Variants in NTNG1 observed in about 807,000 individuals in gnomAD.
The protein encoded by NTNG1 is netrin G1.
Under a neutral mutation model 54.0 loss-of-function variants are expected in NTNG1, and 16 were observed. The ratio of observed to expected loss-of-function variants is 0.30; its 90% CI spans 0.20 to 0.45. The LOEUF is 0.45. NTNG1 is among the 20% of genes least tolerant of loss of function. NTNG1 has a pLI of 1.00. For synonymous variants in NTNG1, 255 were observed against 263.1 expected (o/e 0.97, Z 0.30); for missense variants, 530 against 678.7 (o/e 0.78, Z 2.43).
intron 3 of NTNG1, among the ~76,000 whole-genome samples, chr1:107,376,281 G>A (rs184212367): frequency 0.014 from 2,068 of 152,200 alleles, 30 homozygotes; most frequent in African/African-American, 0.038. Context: ...GGTGGCGGGC[G>A]CCTGTAGTCC....
chr1:107,205,737 A>AG (rs1427803183), intron 2 of NTNG1, among the ~76,000 whole-genome samples: 6 of 152,170 alleles, frequency 3.9e-5, no homozygotes, highest in Non-Finnish European at 4.4e-5. Flanking sequence ...ACTGGCACCC[A>AG]GGTAAAGAAT....
intron 2 of NTNG1, among the ~76,000 whole-genome samples, chr1:107,232,487 C>T (rs1470663239): frequency 6.6e-6 from 1 of 152,130 alleles, no homozygotes; most frequent in Non-Finnish European, 1.5e-5. Flanking sequence ...ATATTGCTAA[C>T]AATTTAAATA....
Position 107,361,756 on chromosome 1 carries a change from A to G in NTNG1, c.888-33398A>G, listed in dbSNP as rs1670314835. 2.0e-5 allele frequency among the ~76,000 whole-genome samples: 3 copies of G among 152,234 alleles called. No homozygotes were observed. The South Asian group carries it at 6.2e-4, about 32-fold the overall frequency. On this transcript the variant is annotated intron_variant, in intron 3 of 7. Transcript: ENST00000370068. ...CTGTTGAAAGCTGATGTCATTTTTG[A>G]CACTCGGGAAATGACTTCTTTATGG...
At position 107,465,855 on chromosome 1, in the gene NTNG1, G is replaced by C. The variant is rs149699743; in HGVS notation, c.1391-14756G>C. 3.0e-3 allele frequency among the ~76,000 whole-genome samples: 461 copies of C among 152,304 alleles called. 2 individuals are homozygous for C. The highest frequency in any genetic ancestry group is 0.011 in the African/African-American group (445 of 41,560). ...TAATAATAATAACAATAATACCTAT[G>C]TACCAGATTATTAGATATATTCAAT... On this transcript the variant is annotated intron_variant, in intron 7 of 7. Coordinates refer to ENST00000370068, the MANE Select transcript of NTNG1 (RefSeq NM_001113226.3).
intron 2 of NTNG1, among the ~76,000 whole-genome samples, chr1:107,304,593 T>C (rs74110603): frequency 0.016 from 2,469 of 152,322 alleles, 67 homozygotes; most frequent in African/African-American, 0.056. Context: ...CACACATAAA[T>C]GATCCTTGTT....
At chr1:107,187,398 C>T (rs905791098) in intron 2 of NTNG1, among the ~76,000 whole-genome samples, 2 of 152,142 alleles carry the variant, frequency 1.3e-5, no homozygotes, top group Non-Finnish European at 2.9e-5. Context: ...TTTCCATACT[C>T]TTACCACCAA....
chr1:107,267,861 G>A (rs538694331), intron 2 of NTNG1, among the ~76,000 whole-genome samples: 1 of 152,180 alleles, frequency 6.6e-6, no homozygotes, highest in Non-Finnish European at 1.5e-5. Context: ...AAAACAAAAA[G>A]CACTCTGCTA....
chr1:107,310,303 C>T (rs1261540302), intron 2 of NTNG1, among the ~76,000 whole-genome samples: 2 of 152,132 alleles, frequency 1.3e-5, no homozygotes, highest in East Asian at 3.8e-4. Flanking sequence ...CTCTATAATA[C>T]ATTTTCTTAG....
intron 2 of NTNG1, among the ~76,000 whole-genome samples, chr1:107,197,488 G>C (rs1658429675): frequency 2.0e-5 from 3 of 151,922 alleles, no homozygotes; most frequent in African/African-American, 7.2e-5. Flanking sequence ...TATAAGAATG[G>C]GTTGACAATA....
At chr1:107,264,071 CCTCT>C (rs796129089) in intron 2 of NTNG1, among the ~76,000 whole-genome samples, 49 of 151,872 alleles carry the variant, frequency 3.2e-4, no homozygotes, top group African/African-American at 1.1e-3. Flanking sequence ...AATCTATAGT[CCTCT>C]CTCTCTCTTG....
At chr1:107,442,882 G>T (rs1441771551) in intron 7 of NTNG1, among the ~76,000 whole-genome samples, 2 of 152,100 alleles carry the variant, frequency 1.3e-5, no homozygotes, top group Non-Finnish European at 2.9e-5. Flanking sequence ...GGTTCAGGAA[G>T]ATAGAACAGG....
chr1:107,382,188 G>T (rs1223792206), intron 3 of NTNG1, among the ~76,000 whole-genome samples: 1 of 152,104 alleles, frequency 6.6e-6, no homozygotes, highest in East Asian at 1.9e-4. Context: ...AAGGTATTGG[G>T]GTGTGCAAAA....
At chr1:107,279,221 TC>T (rs1193278920) in intron 2 of NTNG1, among the ~76,000 whole-genome samples, 1 of 152,190 alleles carries the variant, frequency 6.6e-6, no homozygotes, top group African/African-American at 2.4e-5. Context: ...ATTTTTTGGC[TC>T]ATATCTACCT....
chr1:107,466,038 G>C (rs773887934), intron 7 of NTNG1, among the ~76,000 whole-genome samples: 18 of 151,448 alleles, frequency 1.2e-4, no homozygotes, highest in Non-Finnish European at 2.2e-4. Flanking sequence ...AAAAGCACAT[G>C]ATGGGGAGAT....
intron 2 of NTNG1, among the ~76,000 whole-genome samples, chr1:107,195,000 G>T (rs1658216712): frequency 6.6e-6 from 1 of 151,682 alleles, no homozygotes; most frequent in South Asian, 2.1e-4. Context: ...TAGAAGCTGT[G>T]GTCTTCTTAC....
Position 107,390,025 on chromosome 1 carries a change from T to C in NTNG1, c.888-5129T>C, listed in dbSNP as rs72987510. ...AATCTCCCAGCATTGTGAAATGTTT[T>C]TGTTTTTTTGTTTTTTTTCTGGCAA... On this transcript the variant is annotated intron_variant, in intron 3 of 7. Coordinates refer to ENST00000370068, the MANE Select transcript of NTNG1 (RefSeq NM_001113226.3). Among the ~76,000 whole-genome samples, 803 of 152,280 alleles carry C rather than the reference T, an allele frequency of 5.3e-3. 4 individuals carry two copies. Among genetic ancestry groups the C allele is most frequent in the African/African-American group, 0.018 (760 of 41,552 alleles).
chr1:107,285,787 A>G (rs1230248059), intron 2 of NTNG1, among the ~76,000 whole-genome samples: 2 of 152,124 alleles, frequency 1.3e-5, no homozygotes, highest in African/African-American at 2.4e-5. Flanking sequence ...TGTAGAATCA[A>G]TAGCCCACAA....
chr1:107,424,533 G>A (rs569831942), intron 5 of NTNG1, among the ~76,000 whole-genome samples: 2 of 152,274 alleles, frequency 1.3e-5, no homozygotes, highest in South Asian at 4.1e-4. Flanking sequence ...GTTGAGGCCA[G>A]AAGAACAGTT....
chr1:107,479,707 T>C (rs1469381646), intron 7 of NTNG1, among the ~76,000 whole-genome samples: 1 of 152,212 alleles, frequency 6.6e-6, no homozygotes, highest in African/African-American at 2.4e-5. Flanking sequence ...ATAGGAGACA[T>C]GGAATTAATG....
Sources: gnomAD v4.1 joint callset for allele counts (sites outside exome capture counted in the v4.1 genomes callset) on GRCh38, gnomAD v4.1.1 for gene constraint, MANE v1.5 for transcripts, NCBI Gene and HGNC (gene_info 2026-07-23, HGNC 2026-07-21) for gene names.